The following ATP5PO variants were observed in gnomAD, a reference collection of about 807,000 sequenced individuals.
The protein encoded by ATP5PO is ATP synthase peripheral stalk subunit OSCP, mitochondrial.
In ATP5PO, 14 loss-of-function variants were observed where a neutral mutation model predicts 26.2. The observed-to-expected ratio is 0.53, with a 90% CI of 0.35 to 0.83. The LOEUF is 0.83. ATP5PO is among the 40% of genes least tolerant of loss of function. ATP5PO has a pLI of 0.01. For missense variants in ATP5PO, 241 were observed against 258.5 expected, an observed-to-expected ratio of 0.93 and a Z score of 0.46; for synonymous variants, 106 against 95.1, an observed-to-expected ratio of 1.12 and a Z score of -0.67.
In ATP5PO at chr21:33,904,220, C is replaced by T. The variant is rs557020994; in HGVS notation, c.442-199G>A. Among the ~76,000 whole-genome samples, 5 of 152,356 alleles carry T rather than the reference C, an allele frequency of 3.3e-5. No individual in the cohort carries two copies. In the South Asian group the frequency reaches 1.0e-3, roughly 32 times the overall value. ...GGGAGCACAGGAAGGCCCTGCCTCA[C>T]AGCATCACCCGGGCAGCTCCCACTC... is the stretch of plus-strand genomic sequence containing the variant. On this transcript the variant is annotated intron_variant, in intron 5 of 6. Transcript: ENST00000290299.
At chr21:33,913,509 A>T (rs1230061434) in intron 2 of ATP5PO, among the ~76,000 whole-genome samples, 1 of 152,228 alleles carries the variant, frequency 6.6e-6, no homozygotes, top group Non-Finnish European at 1.5e-5. Flanking sequence ...ATAGAAATGG[A>T]ATCAGACTTC....
chr21:33,915,535 C>A, intron 1 of ATP5PO, 193 bp downstream of exon 1: 2 of 778,522 alleles, frequency 2.6e-6, no homozygotes, highest in South Asian at 1.9e-5. Flanking sequence ...CGCAGCCCCG[C>A]GCCTACTGCC....
rs111916803 is a variant in ATP5PO at position 33,910,722 on chromosome 21, G to A, written c.199-1511C>T. 3.7e-3 allele frequency among the ~76,000 whole-genome samples: 570 copies of A among 152,342 alleles called. 2 individuals are homozygous for A. Among genetic ancestry groups the A allele is most frequent in the Non-Finnish European group, 6.3e-3 (429 of 68,034 alleles). On this transcript the variant is annotated intron_variant, in intron 3 of 6. Coordinates refer to ENST00000290299, the MANE Select transcript of ATP5PO (RefSeq NM_001697.3). ...CTTCCCCCAAATGTCTCCAACAACAGGGCTGGGCTCCTGGGCTCTGAGAGA... is the reference window on the plus strand; with the variant it reads ...CTTCCCCCAAATGTCTCCAACAACAAGGCTGGGCTCCTGGGCTCTGAGAGA...
Position 33,908,786 on chromosome 21 carries a change from C to T in ATP5PO, c.328+296G>A, listed in dbSNP as rs569101830. 1.1e-3 allele frequency: 309 copies of T among 277,306 alleles called. 2 individuals are homozygous for T. Among genetic ancestry groups the T allele is most frequent in the Non-Finnish European group, 7.9e-4 (117 of 148,158 alleles). 17.2% of individuals were successfully genotyped at this position (277,306 alleles called of 1,614,324 possible). ...TCAAGGTATAGCCACAGGCCACGAA[C>T]CATTTTCTTGGTAGGTATCACACTG... On this transcript the variant is annotated intron_variant, in intron 4 of 6. Coordinates refer to ENST00000290299, the MANE Select transcript of ATP5PO (RefSeq NM_001697.3).
intron 2 of ATP5PO, among the ~76,000 whole-genome samples, chr21:33,913,620 C>T (rs146516978): frequency 7.2e-5 from 11 of 152,214 alleles, no homozygotes; most frequent in East Asian, 3.9e-4. Flanking sequence ...CCTCTTTATC[C>T]GGGGTCAACT....
chr21:33,905,819 G>A (rs1414419731), intron 5 of ATP5PO, among the ~76,000 whole-genome samples: 2 of 148,320 alleles, frequency 1.3e-5, no homozygotes, highest in East Asian at 2.0e-4. Flanking sequence ...GGCTGAGGCA[G>A]GAGAATTGCT....
chr21:33,909,041 T>C lies in ATP5PO; in HGVS notation c.328+41A>G, dbSNP rs374059569. ...AGTCCATGGACCACATTTCCAGTCA[T>C]AGTTTCAAGACACCTCAAATGAAAA... On this transcript the variant is annotated intron_variant, in intron 4 of 6. Transcript: ENST00000290299. 8.4e-6 allele frequency: 13 copies of C among 1,551,114 alleles called. No homozygotes were observed. In the African/African-American group the frequency reaches 1.1e-4, roughly 13 times the overall value.
At chr21:33,915,171 A>G (rs1987297807) in intron 1 of ATP5PO, 1 of 156,194 alleles carries the variant, frequency 6.4e-6, no homozygotes, top group African/African-American at 2.4e-5. Flanking sequence ...TATGTAAAGC[A>G]CCATGGTGAG....
In ATP5PO at chr21:33,909,150, A is replaced by G. The variant is rs1201963496; in HGVS notation, c.260T>C (p.Ile87Thr). 6.2e-7 allele frequency: 1 copy of G among 1,613,760 alleles called. No individual in the cohort carries two copies. Among genetic ancestry groups the G allele is most frequent in the African/African-American group, 1.3e-5 (1 of 75,066 alleles). The change falls in exon 4 of 7, where the codon ATT becomes ACT. Residue 87 changes from isoleucine to threonine, a missense_variant. Around this residue, in one of 3 missense-constraint regions of ATP5PO, gnomAD observed 125 missense variants for 108.5 expected, o/e 1.15. Transcript: ENST00000290299. ...SVLNPYVKRS[I>T]KVKSLNDITA... ...GATGTCATTTAGGCTTTTCACTTTAATGGAACGCTTCACATAGGGATTCAA... is the reference window on the plus strand; with the variant it reads ...GATGTCATTTAGGCTTTTCACTTTAGTGGAACGCTTCACATAGGGATTCAA...
chr21:33,914,593 A>G, intron 1 of ATP5PO, 93 bp from the exon 2 acceptor site: 1 of 1,174,976 alleles, frequency 8.5e-7, no homozygotes, highest in Non-Finnish European at 1.2e-6. Context: ...AAATAACCTT[A>G]AAATCATTAC....
chr21:33,911,662 GTTTTTT>G lies in ATP5PO; in HGVS notation c.198+621_198+626del, dbSNP rs58774588. On this transcript the variant is annotated intron_variant, in intron 3 of 6. Coordinates refer to ENST00000290299, the MANE Select transcript of ATP5PO (RefSeq NM_001697.3). ...CTAAACACCTAGCCCATAAGCATAG[GTTTTTT>G]TTTTTTTTTTTTTTTTTTGAGACGG... Among the ~76,000 whole-genome samples the G allele has an allele frequency of 8.6e-4, 79 of 92,094 alleles. No homozygotes were observed. The East Asian group carries it at 0.022, about 25-fold the overall frequency. 60.4% of individuals were successfully genotyped at this position (92,094 alleles called of 152,430 possible).
At chr21:33,908,183 AAAAAAAAG>A (rs1987200147) in intron 4 of ATP5PO, among the ~76,000 whole-genome samples, 1 of 151,810 alleles carries the variant, frequency 6.6e-6, no homozygotes, top group Admixed American at 6.6e-5. Flanking sequence ...AAAAAAAAAA[AAAAAAAAG>A]AATGGAGAAG....
rs147265068 is a variant in ATP5PO, at chr21:33,909,153, G to T, written c.257C>A (p.Ser86Tyr). ...ASVLNPYVKR[S>Y]IKVKSLNDIT... Reference sequence around the variant, plus strand: ...GTCATTTAGGCTTTTCACTTTAATGGAACGCTTCACATAGGGATTCAAAAC... The same window carrying T: ...GTCATTTAGGCTTTTCACTTTAATGTAACGCTTCACATAGGGATTCAAAAC... The change falls in exon 4 of 7, where the codon TCC becomes TAC. Residue 86 changes from serine (S) to tyrosine (Y), a missense_variant. Transcript: ENST00000290299. 15 of 1,613,670 alleles carry T rather than the reference G, an allele frequency of 9.3e-6. No individual in the cohort carries two copies. The highest frequency in any genetic ancestry group is 1.2e-5 in the Non-Finnish European group (14 of 1,179,566).
Position 33,914,451 on chromosome 21 carries a change from C to G in ATP5PO, c.86G>C (p.Arg29Thr). ...SVVRPFAKLV[R>T]PPVQVYGIEG... Reference sequence around the variant, plus strand: ...ACAGAAGAATATAAATTAACATACCCTCACAAGCTTGGCAAATGGTCTGAC... The same window carrying G: ...ACAGAAGAATATAAATTAACATACCGTCACAAGCTTGGCAAATGGTCTGAC... The change falls in exon 2 of 7, where the codon AGG becomes ACG. Residue 29 changes from arginine (R) to threonine (T), a missense_variant and splice_region_variant. Coordinates refer to ENST00000290299, the MANE Select transcript of ATP5PO (RefSeq NM_001697.3). 1.2e-6 allele frequency: 2 copies of G among 1,612,714 alleles called. No homozygotes were observed. The highest frequency in any genetic ancestry group is 1.7e-6 in the Non-Finnish European group (2 of 1,179,144).
intron 2 of ATP5PO, among the ~76,000 whole-genome samples, chr21:33,913,173 AG>A (rs1164797349): frequency 1.3e-5 from 2 of 152,150 alleles, no homozygotes; most frequent in Admixed American, 6.5e-5. Context: ...ACTGTTATGA[AG>A]TTTTAAGGTC....
chr21:33,912,286 T>G lies in ATP5PO; in HGVS notation c.198+3A>C. On this transcript the variant is annotated splice_donor_region_variant and intron_variant, in intron 3 of 6. Coordinates refer to ENST00000290299, the MANE Select transcript of ATP5PO (RefSeq NM_001697.3). Reference sequence around the variant, plus strand: ...ATATGTAATGAATAGGAAAGCTACTTACTGCTACTCTCAACAACTCCTTTT... The same window carrying G: ...ATATGTAATGAATAGGAAAGCTACTGACTGCTACTCTCAACAACTCCTTTT... 1 of 1,604,628 alleles carries G rather than the reference T, an allele frequency of 6.2e-7. No individual in the cohort carries two copies. The highest frequency in any genetic ancestry group is 1.1e-5 in the South Asian group (1 of 90,076).
At chr21:33,914,531 C>T in intron 1 of ATP5PO, 31 bp from the exon 2 acceptor site, 1 of 1,596,442 alleles carries the variant, frequency 6.3e-7, no homozygotes. Context: ...ATAGATCAAA[C>T]AAAATTACTT....
intron 1 of ATP5PO, 161 bp from the exon 2 acceptor site, chr21:33,914,661 G>C: frequency 1.7e-6 from 1 of 600,392 alleles, no homozygotes; most frequent in Non-Finnish European, 2.8e-6. Context: ...CTATTACTAA[G>C]GGGTAAACTT....
chr21:33,912,301 C>A lies in ATP5PO; in HGVS notation c.186G>T (p.Leu62Phe). 1 of 1,611,676 alleles carries A rather than the reference C, an allele frequency of 6.2e-7. No homozygotes were observed. The highest frequency in any genetic ancestry group is 8.5e-7 in the Non-Finnish European group (1 of 1,178,530). The change falls in exon 3 of 7, where the codon TTG becomes TTT. Residue 62 changes from leucine to phenylalanine, a missense_variant. Transcript: ENST00000290299. ...GAAAGCTACTTACTGCTACTCTCAA[C>A]AACTCCTTTTCTACTTGCTCCAGCT... The part of the protein sequence containing the change: ...QNKLEQVEKE[L>F]LRVAQILKEP...
Sources: gnomAD v4.1 joint callset for allele counts (sites outside exome capture counted in the v4.1 genomes callset) on GRCh38, gnomAD v4.1.1 for gene constraint, gnomAD v4.1.1 regional missense constraint, MANE v1.5 for transcripts, NCBI Gene and HGNC (gene_info 2026-07-23, HGNC 2026-07-21) for gene names.